The following NFATC1 variants were observed in gnomAD, a reference collection of about 807,000 sequenced individuals.
The protein encoded by NFATC1 is nuclear factor of activated T-cells, cytoplasmic 1.
A neutral mutation model predicts 76.0 loss-of-function variants in NFATC1; 22 were observed. That is an observed-to-expected ratio of 0.29 (90% confidence interval 0.21 to 0.41). The LOEUF is 0.41. Among genes scored for constraint, NFATC1 ranks in the 10% least tolerant of loss-of-function variants. The pLI, the probability that NFATC1 is intolerant of heterozygous loss-of-function variation, is 1.00. For synonymous variants in NFATC1, 704 were observed against 613.1 expected (o/e 1.15, Z -2.19); for missense variants, 1,357 against 1,337.7 (o/e 1.01, Z -0.23).
intron 6 of NFATC1, among the ~76,000 whole-genome samples, chr18:79,456,210 C>G (rs1174579276): frequency 6.6e-6 from 1 of 152,232 alleles, no homozygotes; most frequent in Non-Finnish European, 1.5e-5. Flanking sequence ...GTCACGGAAC[C>G]ACCGTGGCCT....
intron 3 of NFATC1, among the ~76,000 whole-genome samples, chr18:79,435,248 AG>A (rs1183331710): frequency 6.6e-6 from 1 of 151,206 alleles, no homozygotes; most frequent in African/African-American, 2.4e-5. Flanking sequence ...TATCTGGATG[AG>A]GGGCGGGTGT....
chr18:79,441,466 G>T (rs1051146900), intron 3 of NFATC1, among the ~76,000 whole-genome samples: 3 of 152,154 alleles, frequency 2.0e-5, no homozygotes, highest in African/African-American at 7.2e-5. Flanking sequence ...GAGGGCTTGT[G>T]GGGGAGGCAG....
intron 8 of NFATC1, among the ~76,000 whole-genome samples, chr18:79,480,330 T>G (rs1469635541): frequency 6.6e-6 from 1 of 151,826 alleles, no homozygotes; most frequent in Non-Finnish European, 1.5e-5. Context: ...TGCCTGTGGG[T>G]GGGGGGACAG....
At chr18:79,413,934 G>A (rs760131162) in intron 2 of NFATC1, among the ~76,000 whole-genome samples, 27 of 152,168 alleles carry the variant, frequency 1.8e-4, no homozygotes, top group Non-Finnish European at 3.1e-4. Context: ...GCCCAGTTAG[G>A]TGTGATGCCT....
At chr18:79,403,548 G>A (rs116410289) in intron 1 of NFATC1, among the ~76,000 whole-genome samples, 415 of 152,366 alleles carry the variant, frequency 2.7e-3, no homozygotes, top group African/African-American at 9.2e-3. Flanking sequence ...TGTTTTCTAA[G>A]TTATTTTGGC....
chr18:79,508,570 G>C (rs988222130), intron 9 of NFATC1, among the ~76,000 whole-genome samples: 4 of 152,012 alleles, frequency 2.6e-5, no homozygotes, highest in Non-Finnish European at 5.9e-5. Flanking sequence ...ACGCACGGAG[G>C]GTCTGAACTC....
chr18:79,400,205 C>G (rs1240638336), intron 1 of NFATC1: 1 of 1,170,804 alleles, frequency 8.5e-7, no homozygotes, highest in African/African-American at 1.6e-5. Flanking sequence ...ATTTAAAACT[C>G]GGAAGCCGGC....
chr18:79,446,922 C>A (rs546682028), intron 3 of NFATC1, among the ~76,000 whole-genome samples: 1 of 152,214 alleles, frequency 6.6e-6, no homozygotes, highest in Non-Finnish European at 1.5e-5. Context: ...AGACCCCAAA[C>A]GCCCCTTCGA....
chr18:79,407,906 C>T (rs766451971), intron 1 of NFATC1, among the ~76,000 whole-genome samples: 9 of 152,216 alleles, frequency 5.9e-5, no homozygotes, highest in African/African-American at 1.7e-4. Context: ...CCTTCCCATA[C>T]GAAGACATCC....
intron 6 of NFATC1, among the ~76,000 whole-genome samples, chr18:79,458,854 A>G (rs2087894019): frequency 2.0e-5 from 3 of 152,262 alleles, no homozygotes; most frequent in Admixed American, 1.3e-4. Flanking sequence ...TCCATCTTTC[A>G]GCAGTCTCGG....
At chr18:79,423,002 G>T (rs530525114) in intron 2 of NFATC1, among the ~76,000 whole-genome samples, 2 of 151,976 alleles carry the variant, frequency 1.3e-5, no homozygotes, top group South Asian at 4.2e-4. Flanking sequence ...GCAGATAGAG[G>T]GGTGGGGACA....
intron 8 of NFATC1, among the ~76,000 whole-genome samples, chr18:79,480,507 G>A (rs756264764): frequency 2.0e-5 from 3 of 152,180 alleles, no homozygotes; most frequent in Non-Finnish European, 2.9e-5. Flanking sequence ...GGTGGGTCGC[G>A]TGTCCCAGAG....
In NFATC1 at chr18:79,428,038, G is replaced by T. The variant is rs561262964; in HGVS notation, c.1227-5541G>T. ...GATGACTGGCCTCTGTGCAGTGGGGGCAGGCGCTGGATGACTGGCCTCTAT... is the reference window on the plus strand; with the variant it reads ...GATGACTGGCCTCTGTGCAGTGGGGTCAGGCGCTGGATGACTGGCCTCTAT... On this transcript the variant is annotated intron_variant, in intron 2 of 9. Transcript: ENST00000427363. 1.4e-4 allele frequency among the ~76,000 whole-genome samples: 21 copies of T among 147,572 alleles called. No homozygotes were observed. The East Asian group carries it at 4.4e-3, about 31-fold the overall frequency.
intron 8 of NFATC1, among the ~76,000 whole-genome samples, chr18:79,481,944 C>T (rs1188827964): frequency 8.3e-6 from 1 of 120,534 alleles, no homozygotes; most frequent in Non-Finnish European, 1.7e-5. Flanking sequence ...CCTGGGGTGT[C>T]ACTCCAGCAT....
intron 6 of NFATC1, 64 bp from the exon 7 acceptor site, chr18:79,461,247 G>C (rs1489631267): frequency 2.5e-6 from 4 of 1,586,336 alleles, no homozygotes; most frequent in Non-Finnish European, 3.5e-6. Context: ...ATCACGTGGG[G>C]GTGTCTGGGG....
At chr18:79,490,561 G>A (rs2089648989) in intron 9 of NFATC1, among the ~76,000 whole-genome samples, 1 of 152,184 alleles carries the variant, frequency 6.6e-6, no homozygotes, top group South Asian at 2.1e-4. Context: ...GCACCTGGGG[G>A]CAGGTCCACC....
intron 1 of NFATC1, among the ~76,000 whole-genome samples, chr18:79,401,561 C>T (rs1190613799): frequency 6.6e-6 from 1 of 152,222 alleles, no homozygotes; most frequent in Non-Finnish European, 1.5e-5. Flanking sequence ...TGCCTGTGGC[C>T]CTGGCGCCGC....
chr18:79,405,932 G>A (rs968086970), intron 1 of NFATC1, among the ~76,000 whole-genome samples: 1 of 152,020 alleles, frequency 6.6e-6, no homozygotes, highest in East Asian at 1.9e-4. Context: ...TTCCCCTCAC[G>A]CCTGGGCCCC....
At chr18:79,523,066 A>T (rs1021989911) in intron 9 of NFATC1, among the ~76,000 whole-genome samples, 1 of 152,062 alleles carries the variant, frequency 6.6e-6, no homozygotes, top group African/African-American at 2.4e-5. Context: ...GTCCCTGTGA[A>T]CAGACTGGGT....
Sources: allele counts gnomAD v4.1 joint callset (sites outside exome capture counted in the v4.1 genomes callset), GRCh38; gene constraint gnomAD v4.1.1; transcripts MANE v1.5; gene names NCBI Gene and HGNC (gene_info 2026-07-23, HGNC 2026-07-21).